The following CCDC144A variants were observed in gnomAD, a reference collection of about 807,000 sequenced individuals.
The protein encoded by CCDC144A is coiled-coil domain-containing protein 144A.
In CCDC144A, 41 loss-of-function variants were observed where a neutral mutation model predicts 143.8. That is an observed-to-expected ratio of 0.29 (90% CI 0.22 to 0.37). The LOEUF (loss-of-function observed/expected upper bound fraction) is 0.37. Among genes scored for constraint, CCDC144A ranks in the 10% least tolerant of loss-of-function variants. The pLI, the probability that CCDC144A is intolerant of heterozygous loss-of-function variation, is 1.00. For synonymous variants in CCDC144A, 242 were observed against 517.9 expected (o/e 0.47, Z 7.23); for missense variants, 637 against 1,488.8 (o/e 0.43, Z 9.41).
At chr17:16,729,991 T>TATATATATATATATATATAC (rs1491438660) in intron 9 of CCDC144A, among the ~76,000 whole-genome samples, 36 of 114,850 alleles carry the variant, frequency 3.1e-4, no homozygotes, top group African/African-American at 1.0e-3. Flanking sequence ...TATATATATA[T>TATATATATATATATATATAC]ACACACATAC....
At chr17:16,712,326 A>T (rs1004948595) in intron 6 of CCDC144A, among the ~76,000 whole-genome samples, 1 of 152,118 alleles carries the variant, frequency 6.6e-6, no homozygotes, top group African/African-American at 2.4e-5. Context: ...TATTTTATTT[A>T]AAAAATCGGA....
At position 16,761,864 on chromosome 17, in the gene CCDC144A, T is replaced by G; in HGVS notation, c.3666+146T>G. ...AGGAAGGTGGTATTTGTTTCTCCATTTAAATATTTTCGTTTCCATCATTCT... is the reference window on the plus strand; with the variant it reads ...AGGAAGGTGGTATTTGTTTCTCCATGTAAATATTTTCGTTTCCATCATTCT... On this transcript the variant is annotated intron_variant, in intron 13 of 16. Coordinates refer to ENST00000399273, the MANE Select transcript of CCDC144A (RefSeq NM_001382000.1). 3 of 1,267,966 alleles carry G rather than the reference T, an allele frequency of 2.4e-6. No individual in the cohort carries two copies. In the South Asian group the frequency reaches 4.8e-5, roughly 20 times the overall value. The allele number at this position is 1,267,966 out of a possible 1,614,324, so 78.5% of individuals were successfully genotyped here.
the CCDC144A span, among the ~76,000 whole-genome samples, chr17:16,676,103 G>A: frequency 4.6e-5 from 7 of 151,984 alleles, no homozygotes; most frequent in Non-Finnish European, 8.8e-5. Flanking sequence ...TCTAAAAATT[G>A]CATACTGTGA....
At chr17:16,673,425 T>A in the CCDC144A span, among the ~76,000 whole-genome samples, 1 of 151,836 alleles carries the variant, frequency 6.6e-6, no homozygotes, top group Non-Finnish European at 1.5e-5. Context: ...TCACTTTTGT[T>A]GCCCAGGCTG....
At chr17:16,674,991 G>A in the CCDC144A span, among the ~76,000 whole-genome samples, 5 of 150,872 alleles carry the variant, frequency 3.3e-5, no homozygotes, top group Non-Finnish European at 7.4e-5. Context: ...TTTTTAGGCC[G>A]GGCGTGGTGG....
chr17:16,685,579 C>T (rs1191076901), upstream of CCDC144A, among the ~76,000 whole-genome samples: 16 of 151,020 alleles, frequency 1.1e-4, no homozygotes, highest in Admixed American at 6.6e-5. Flanking sequence ...GACGGAGTTT[C>T]AACATGTTTG....
chr17:16,684,893 T>C (rs187248744), upstream of CCDC144A, among the ~76,000 whole-genome samples: 70 of 151,476 alleles, frequency 4.6e-4, no homozygotes, highest in South Asian at 8.4e-4. Flanking sequence ...GCTGGGGAGG[T>C]CGAGGTTGCA....
chr17:16,667,631 C>A, the CCDC144A span, among the ~76,000 whole-genome samples: 2 of 150,244 alleles, frequency 1.3e-5, no homozygotes, highest in East Asian at 3.9e-4. Context: ...TGCTCGGTGT[C>A]CTTTCTTACT....
intron 5 of CCDC144A, chr17:16,710,046 T>C (rs1244593375): frequency 5.0e-6 from 1 of 200,582 alleles, no homozygotes; most frequent in African/African-American, 2.4e-5. Flanking sequence ...AGAAGAGATA[T>C]AAAAATGTAT....
the CCDC144A span, among the ~76,000 whole-genome samples, chr17:16,676,770 T>G: frequency 2.6e-5 from 4 of 151,592 alleles, no homozygotes; most frequent in African/African-American, 9.7e-5. Context: ...ACAGGAAGAG[T>G]TGAATTATAT....
chr17:16,669,122 G>A, the CCDC144A span, among the ~76,000 whole-genome samples: 1 of 152,112 alleles, frequency 6.6e-6, no homozygotes, highest in Admixed American at 6.6e-5. Context: ...AATACAAAAT[G>A]CATTTATTAA....
chr17:16,747,503 G>C (rs1230199414), intron 12 of CCDC144A, among the ~76,000 whole-genome samples: 12 of 152,152 alleles, frequency 7.9e-5, no homozygotes, highest in Non-Finnish European at 8.8e-5. Context: ...AGATTGCTTT[G>C]GGCAGTATGG....
chr17:16,755,243 G>T (rs9906639), intron 12 of CCDC144A, among the ~76,000 whole-genome samples: 118,162 of 151,750 alleles, frequency 0.78, 44,161 homozygotes, highest in African/African-American at 0.92. Context: ...GTTTTTATGA[G>T]AGGTGAGGAC....
chr17:16,683,350 G>A, the CCDC144A span: 1 of 606,656 alleles, frequency 1.6e-6, no homozygotes, highest in Non-Finnish European at 2.9e-6. Context: ...TTAAGTACTG[G>A]AAAACTTGTC....
At chr17:16,748,335 A>T (rs577822702) in intron 12 of CCDC144A, among the ~76,000 whole-genome samples, 1 of 152,072 alleles carries the variant, frequency 6.6e-6, no homozygotes, top group Non-Finnish European at 1.5e-5. Context: ...GCTTTTTTGC[A>T]TCTTTTGAGT....
intron 2 of CCDC144A, among the ~76,000 whole-genome samples, chr17:16,693,416 C>T (rs953295265): frequency 3.3e-5 from 5 of 151,766 alleles, no homozygotes; most frequent in African/African-American, 4.8e-5. Context: ...CCCTGGTTCA[C>T]GCCATTCTCT....
At chr17:16,687,549 G>A (rs921824933), upstream of CCDC144A, among the ~76,000 whole-genome samples, 7 of 152,114 alleles carry the variant, frequency 4.6e-5, no homozygotes, top group African/African-American at 1.4e-4. Flanking sequence ...GCCCTCCAGC[G>A]GTGAGGAATC....
Position 16,753,428 on chromosome 17 carries a change from G to GTTTTTTTTTTT in CCDC144A, c.3373-7979_3373-7969dup. ...CAATTTCTTTTGTCAGTGTTTTGTA[G>GTTTTTTTTTTT]TTTTTTTTTTTTTTTTTTTTTTTTT... On this transcript the variant is annotated intron_variant, in intron 12 of 16. Transcript: ENST00000399273. Among the ~76,000 whole-genome samples the GTTTTTTTTTTT allele has an allele frequency of 3.0e-3, 170 of 57,362 alleles. 2 individuals are homozygous for GTTTTTTTTTTT. Among genetic ancestry groups the GTTTTTTTTTTT allele is most frequent in the Middle Eastern group, 0.021 (1 of 48 alleles). The allele number at this position is 57,362 out of a possible 152,430, so 37.6% of individuals were successfully genotyped here. A position where few individuals can be genotyped will look rare whatever the true frequency, so the allele number is the denominator to read the frequency against.
At chr17:16,746,480 T>C in intron 12 of CCDC144A, 1 of 1,613,666 alleles carries the variant, frequency 6.2e-7, no homozygotes, top group Non-Finnish European at 8.5e-7. Flanking sequence ...CAGCAGAGTC[T>C]CAGGGTTGGC....
Sources: gnomAD v4.1 joint callset for allele counts (sites outside exome capture counted in the v4.1 genomes callset) on GRCh38, gnomAD v4.1.1 for gene constraint, MANE v1.5 for transcripts, NCBI Gene and HGNC (gene_info 2026-07-23, HGNC 2026-07-21) for gene names.